The following HS6ST2 variants were observed in gnomAD, a reference collection of about 807,000 sequenced individuals.
HS6ST2 encodes heparan-sulfate 6-O-sulfotransferase 2.
Under a neutral mutation model 33.0 loss-of-function variants are expected in HS6ST2, and 17 were observed. The observed-to-expected ratio is 0.52, with a 90% CI of 0.35 to 0.77. HS6ST2 has a LOEUF of 0.77. Ranked by LOEUF, HS6ST2 falls within the 30% of genes least tolerant of loss-of-function variation. The pLI is 0.01. For missense variants in HS6ST2, 519 were observed against 551.7 expected (o/e 0.94, Z 0.59); for synonymous variants, 248 against 237.1 (o/e 1.05, Z -0.42).
At chrX:132,684,232 T>C (rs1167066827) in intron 3 of HS6ST2, among the ~76,000 whole-genome samples, 1 of 102,940 alleles carries the variant, frequency 9.7e-6, no homozygotes, top group Non-Finnish European at 2.0e-5. Context: ...TACATATATA[T>C]ATATATATAT....
At chrX:132,697,071 AC>A (rs988705421) in intron 3 of HS6ST2, among the ~76,000 whole-genome samples, 2 of 112,376 alleles carry the variant, frequency 1.8e-5, no homozygotes, top group Admixed American at 1.9e-4. Context: ...TATACAAAAT[AC>A]CTTTTAACTT....
intron 2 of HS6ST2, among the ~76,000 whole-genome samples, chrX:132,894,629 G>C (rs2066356389): frequency 9.2e-6 from 1 of 108,524 alleles, no homozygotes; most frequent in African/African-American, 3.4e-5. Context: ...CTCTGCCTCT[G>C]GGGTTCAAGT....
intron 2 of HS6ST2, among the ~76,000 whole-genome samples, chrX:132,837,008 G>C (rs1365244540): frequency 8.9e-6 from 1 of 111,953 alleles, no homozygotes; most frequent in African/African-American, 3.2e-5. Flanking sequence ...GGGAAATGAG[G>C]AGTCATTTAG....
chrX:132,960,949 C>T (rs990041333), upstream of HS6ST2, among the ~76,000 whole-genome samples: 3 of 110,032 alleles, frequency 2.7e-5, no homozygotes. Context: ...ATTTTTCCTA[C>T]GTGTGTCCCA....
At chrX:132,848,912 T>A (rs1260123495) in intron 2 of HS6ST2, among the ~76,000 whole-genome samples, 5 of 111,506 alleles carry the variant, frequency 4.5e-5, no homozygotes, top group African/African-American at 1.3e-4. Flanking sequence ...GATTCCTATA[T>A]AGCTTATCTT....
At chrX:132,758,701 G>T (rs1238498751) in intron 2 of HS6ST2, among the ~76,000 whole-genome samples, 2 of 111,787 alleles carry the variant, frequency 1.8e-5, no homozygotes, top group Non-Finnish European at 3.8e-5. Context: ...TCTCAGGCAG[G>T]CCCACAGCTC....
At chrX:132,829,822 C>T (rs2065570977) in intron 2 of HS6ST2, among the ~76,000 whole-genome samples, 1 of 111,610 alleles carries the variant, frequency 9.0e-6, no homozygotes, top group African/African-American at 3.3e-5. Flanking sequence ...GTTCTGTGAA[C>T]ATGTCAGGTT....
intron 2 of HS6ST2, among the ~76,000 whole-genome samples, chrX:132,945,348 A>G (rs1470694547): frequency 2.7e-5 from 3 of 111,605 alleles, no homozygotes; most frequent in Admixed American, 1.9e-4. Context: ...TAAAAAGTCA[A>G]GAAACAACAG....
intron 4 of HS6ST2, among the ~76,000 whole-genome samples, chrX:132,631,567 T>C (rs187581964): frequency 1.8e-5 from 2 of 108,593 alleles, no homozygotes; most frequent in East Asian, 5.8e-4. Context: ...ATGCTAGCCC[T>C]GAGGCAACAG....
At chrX:132,809,856 T>A (rs1239938102) in intron 2 of HS6ST2, among the ~76,000 whole-genome samples, 3 of 111,939 alleles carry the variant, frequency 2.7e-5, no homozygotes, top group Non-Finnish European at 5.6e-5. Context: ...ATCAGTTTAA[T>A]CCAACTCCAT....
chrX:132,864,105 A>T (rs900475604), intron 2 of HS6ST2, among the ~76,000 whole-genome samples: 3 of 110,870 alleles, frequency 2.7e-5, no homozygotes, highest in South Asian at 4.0e-4. Context: ...GCTCACCAAC[A>T]TCAAAGACCA....
chrX:132,741,301 T>C (rs1390078533), intron 2 of HS6ST2, among the ~76,000 whole-genome samples: 1 of 106,426 alleles, frequency 9.4e-6, no homozygotes, highest in Non-Finnish European at 1.9e-5. Context: ...TTTTTGGTTT[T>C]GTTTTTTTTT....
intron 3 of HS6ST2, among the ~76,000 whole-genome samples, chrX:132,685,106 C>T (rs970101582): frequency 8.9e-6 from 1 of 111,788 alleles, no homozygotes; most frequent in Non-Finnish European, 1.9e-5. Context: ...AGAGGACACA[C>T]ACAAAAAGGT....
intron 2 of HS6ST2, among the ~76,000 whole-genome samples, chrX:132,882,929 C>A (rs112649355): frequency 1.8e-5 from 2 of 110,053 alleles, no homozygotes; most frequent in Non-Finnish European, 3.8e-5. Context: ...GGATTACGTT[C>A]ATTGATTTGC....
chrX:132,856,668 C>T (rs2065854580), intron 2 of HS6ST2, among the ~76,000 whole-genome samples: 1 of 111,125 alleles, frequency 9.0e-6, no homozygotes, highest in African/African-American at 3.3e-5. Context: ...GCAATGCTAA[C>T]TACAATCCCT....
chrX:132,863,188 C>G (rs1310467832), intron 2 of HS6ST2, among the ~76,000 whole-genome samples: 2 of 112,310 alleles, frequency 1.8e-5, no homozygotes, highest in Non-Finnish European at 3.8e-5. Flanking sequence ...GTGAAATCCT[C>G]ACACAAGAGT....
chrX:132,755,753 T>C (rs769187268), intron 2 of HS6ST2, among the ~76,000 whole-genome samples: 1 of 111,888 alleles, frequency 8.9e-6, no homozygotes, highest in Non-Finnish European at 1.9e-5. Context: ...TCACTTGAGC[T>C]CAAGAGTTCC....
chrX:132,886,522 T>C (rs1311602002), intron 2 of HS6ST2, among the ~76,000 whole-genome samples: 3 of 110,795 alleles, frequency 2.7e-5, no homozygotes, highest in African/African-American at 9.8e-5. Flanking sequence ...TTTGAAGAAA[T>C]AATAGCTAAA....
chrX:132,749,757 A>AAG (rs2064681881), intron 2 of HS6ST2, among the ~76,000 whole-genome samples: 1 of 111,753 alleles, frequency 8.9e-6, no homozygotes, highest in Non-Finnish European at 1.9e-5. Flanking sequence ...GTCATTCAGC[A>AAG]GTATCAAAGA....
Sources: allele counts gnomAD v4.1 joint callset (sites outside exome capture counted in the v4.1 genomes callset), GRCh38; gene constraint gnomAD v4.1.1; transcripts MANE v1.5; gene names NCBI Gene and HGNC (gene_info 2026-07-23, HGNC 2026-07-21).